Variants in SULT1B1 observed in about 807,000 individuals in gnomAD.
The protein encoded by SULT1B1 is sulfotransferase 1B1.
SULT1B1 carries 28 observed loss-of-function variants against 34.6 expected under a neutral mutation model. The ratio of observed to expected loss-of-function variants is 0.81; its 90% CI spans 0.60 to 1.11. The LOEUF (loss-of-function observed/expected upper bound fraction) is 1.11, where lower values mean the gene tolerates loss of function less well. Ranked by LOEUF, SULT1B1 falls within the 50% of genes least tolerant of loss-of-function variation. SULT1B1 has a pLI of 0.00. For synonymous variants in SULT1B1, 147 were observed against 110.2 expected (o/e 1.33, Z -2.09); for missense variants, 374 against 352.2 (o/e 1.06, Z -0.50).
At position 69,727,030 on chromosome 4, in the gene SULT1B1, C is replaced by T. The variant is rs1185400674; in HGVS notation, c.*58G>A. 3.9e-6 allele frequency: 5 copies of T among 1,296,092 alleles called. No homozygotes were observed. Among genetic ancestry groups the T allele is most frequent in the African/African-American group, 3.1e-5 (2 of 65,430 alleles). The allele number at this position is 1,296,092 out of a possible 1,614,324, so 80.3% of individuals were successfully genotyped here. ...TTGCCCAAATCAATTCATAACTGCC[C>T]TCGTTTCAATCAACTACAGACAATC... On this transcript the variant is annotated 3_prime_UTR_variant, in exon 8 of 8. Coordinates refer to ENST00000310613, the MANE Select transcript of SULT1B1 (RefSeq NM_014465.4).
At chr4:69,733,616 G>T in intron 5 of SULT1B1, 109 bp from the exon 6 acceptor site, 2 of 756,144 alleles carry the variant, frequency 2.6e-6, no homozygotes, top group Non-Finnish European at 4.1e-6. Context: ...ACCAAAGGAA[G>T]TAAGAATATG....
intron 4 of SULT1B1, among the ~76,000 whole-genome samples, chr4:69,740,430 G>A (rs1316775729): frequency 6.6e-6 from 1 of 152,136 alleles, no homozygotes; most frequent in African/African-American, 2.4e-5. Context: ...AAACTATCAG[G>A]TCTTGTGAGA....
chr4:69,739,654 T>A (rs1718463217), intron 4 of SULT1B1, among the ~76,000 whole-genome samples: 1 of 152,210 alleles, frequency 6.6e-6, no homozygotes, highest in Non-Finnish European at 1.5e-5. Context: ...TACCACATTG[T>A]CTAGGTGATT....
In SULT1B1 at chr4:69,733,493, A is replaced by G. The variant is rs757115051; in HGVS notation, c.517T>C (p.Trp173Arg). ...FLTGKVAYGSWFTHVKNWWKK... is the reference protein window; with the variant it reads ...FLTGKVAYGSRFTHVKNWWKK... ...CACCAGTTTTTAACATGAGTAAACC[A>G]GGAACCATAGGCCACTAAAACCAGA... The change falls in exon 6 of 8, where the codon TGG becomes CGG. Residue 173 changes from tryptophan to arginine, a missense_variant. Trp to Arg is a moderately radical substitution (Grantham distance 101, BLOSUM62 -3). Coordinates refer to ENST00000310613, the MANE Select transcript of SULT1B1 (RefSeq NM_014465.4). 3 of 1,604,656 alleles carry G rather than the reference A, an allele frequency of 1.9e-6. No homozygotes were observed. The highest frequency in any genetic ancestry group is 1.7e-6 in the Non-Finnish European group (2 of 1,176,656).
Position 69,755,904 on chromosome 4 carries a change from A to G in SULT1B1, c.-44-643T>C, listed in dbSNP as rs1578070239. Among the ~76,000 whole-genome samples, 3 of 152,160 alleles carry G rather than the reference A, an allele frequency of 2.0e-5. No homozygotes were observed. The East Asian group carries it at 5.8e-4, about 29-fold the overall frequency. ...TCCATCTCTCTCTCCTTCTGAGACT[A>G]TAATTACATGTATATTAGGCCATAT... On this transcript the variant is annotated intron_variant, in intron 1 of 7. Transcript: ENST00000310613.
At position 69,725,285 on chromosome 4, in the gene SULT1B1, G is replaced by T. The variant is rs1163796694; in HGVS notation, c.*1803C>A. The stretch of plus-strand genomic sequence containing the variant: ...ACATGAAAAAATGCTCATCATCACT[G>T]GCCATCAGGGAAATGCAAATCAAAA... On this transcript the variant is annotated 3_prime_UTR_variant, in exon 8 of 8. Coordinates refer to ENST00000310613, the MANE Select transcript of SULT1B1 (RefSeq NM_014465.4). 1.3e-5 allele frequency: 2 copies of T among 152,070 alleles called. No homozygotes were observed. The highest frequency in any genetic ancestry group is 4.8e-5 in the African/African-American group (2 of 41,400). The allele number at this position is 152,070 out of a possible 1,614,324, so 9.4% of individuals were successfully genotyped here.
rs761318636 is a variant in SULT1B1 at position 69,734,201 on chromosome 4, T to C, written c.439A>G (p.Asn147Asp). Residue 147 changes from asparagine to aspartate, a missense_variant, in exon 5 of 8, where the codon AAT (asparagine) becomes GAT (aspartate). Asn to Asp is a conservative substitution (Grantham distance 23, BLOSUM62 1). Transcript: ENST00000310613. ...GTACCAGGAAAAGGCTGTAAATTAT[T>C]CATTAAGTCAAAATGGTAATATGAG... ...SVSYYHFDLM[N>D]NLQPFPGTWE... The C allele has an allele frequency of 1.1e-5, 17 of 1,613,038 alleles. No homozygotes were observed. In the Admixed American group the frequency reaches 2.0e-4, roughly 19 times the overall value.
chr4:69,730,835 T>C (rs1718052950), intron 6 of SULT1B1, among the ~76,000 whole-genome samples, 154 bp from the exon 7 acceptor site: 1 of 152,210 alleles, frequency 6.6e-6, no homozygotes, highest in Non-Finnish European at 1.5e-5. Flanking sequence ...AATAAACTAA[T>C]CATAAAATAT....
At chr4:69,752,401 T>C (rs897772757) in intron 3 of SULT1B1, among the ~76,000 whole-genome samples, 2 of 152,192 alleles carry the variant, frequency 1.3e-5, no homozygotes, top group Admixed American at 6.5e-5. Context: ...TGGGAAGGTT[T>C]GTCTTGGTCA....
intron 1 of SULT1B1, chr4:69,758,323 T>C: frequency 2.0e-6 from 2 of 985,418 alleles, no homozygotes; most frequent in Non-Finnish European, 2.4e-6. Context: ...TTTGATATCT[T>C]GAGAATAGTG....
chr4:69,749,678 G>A, intron 4 of SULT1B1, 43 bp downstream of exon 4: 1 of 1,384,166 alleles, frequency 7.2e-7, no homozygotes, highest in Non-Finnish European at 1.0e-6. Flanking sequence ...TGGGTAAAGG[G>A]ATAGGGCCAT....
chr4:69,740,654 A>C (rs1317841195), intron 4 of SULT1B1, among the ~76,000 whole-genome samples: 2 of 152,236 alleles, frequency 1.3e-5, no homozygotes, highest in Admixed American at 6.5e-5. Context: ...TCTTCTTGGT[A>C]GAACAATTTA....
chr4:69,758,365 A>G (rs1047020637), intron 1 of SULT1B1: 21 of 985,322 alleles, frequency 2.1e-5, no homozygotes, highest in Non-Finnish European at 2.3e-5. Context: ...AAGGAATCAG[A>G]GTCCACAGAA....
chr4:69,753,727 A>G (rs892383670), intron 3 of SULT1B1, among the ~76,000 whole-genome samples: 1 of 152,220 alleles, frequency 6.6e-6, no homozygotes, highest in African/African-American at 2.4e-5. Flanking sequence ...GTCATCTTAC[A>G]CATTTTAAGT....
At chr4:69,752,331 C>G (rs911732449) in intron 3 of SULT1B1, among the ~76,000 whole-genome samples, 1 of 152,082 alleles carries the variant, frequency 6.6e-6, no homozygotes, top group South Asian at 2.1e-4. Flanking sequence ...AGTTTTGGAA[C>G]ATTTAAAATG....
chr4:69,731,636 T>C (rs1049398125), intron 6 of SULT1B1, among the ~76,000 whole-genome samples: 1 of 152,226 alleles, frequency 6.6e-6, no homozygotes, highest in Admixed American at 6.5e-5. Context: ...ATAATTTTCT[T>C]CCATTATTGT....
In SULT1B1 at chr4:69,730,664, G is replaced by C. The variant is rs748832209; in HGVS notation, c.615C>G (p.Ile205Met). The change falls in exon 7 of 8, where the codon ATC (isoleucine) becomes ATG (methionine). Residue 205 changes from isoleucine to methionine, a missense_variant. Coordinates refer to ENST00000310613, the MANE Select transcript of SULT1B1 (RefSeq NM_014465.4). Reference protein sequence around the residue: ...EDMKENPKEEIKKIIRFLEKN... With the variant: ...EDMKENPKEEMKKIIRFLEKN... ...TCTCTAGAAATCTAATGATCTTCTT[G>C]ATTTCCTCCTTTGGATTCTATTAGT... The C allele has an allele frequency of 6.2e-7, 1 of 1,611,902 alleles. No individual in the cohort carries two copies. The highest frequency in any genetic ancestry group is 1.3e-5 in the African/African-American group (1 of 74,952).
Position 69,743,947 on chromosome 4 carries a change from A to G in SULT1B1, c.375+5774T>C, listed in dbSNP as rs556147236. On this transcript the variant is annotated intron_variant, in intron 4 of 7. Coordinates refer to ENST00000310613, the MANE Select transcript of SULT1B1 (RefSeq NM_014465.4). ...CGCATGGGTGGCTGCAGATGTTCCC[A>G]GGAAGGCAGTGCTCCTGCCTGCTCC... Among the ~76,000 whole-genome samples the G allele has an allele frequency of 1.7e-4, 26 of 151,980 alleles. No individual in the cohort carries two copies. In the South Asian group the frequency reaches 5.0e-3, roughly 29 times the overall value.
chr4:69,758,320 T>C, intron 1 of SULT1B1: 1 of 985,408 alleles, frequency 1.0e-6, no homozygotes, highest in Non-Finnish European at 1.2e-6. Flanking sequence ...TCTTTTGATA[T>C]CTTGAGAATA....
Sources: allele counts gnomAD v4.1 joint callset (sites outside exome capture counted in the v4.1 genomes callset), GRCh38; gene constraint gnomAD v4.1.1; transcripts MANE v1.5; gene names NCBI Gene and HGNC (gene_info 2026-07-23, HGNC 2026-07-21).